PRKAR2B: variants seen among roughly 807,000 people sequenced by gnomAD.
PRKAR2B encodes the protein protein kinase cAMP-dependent type II regulatory subunit beta.
PRKAR2B carries 14 observed loss-of-function variants against 49.9 expected under a neutral mutation model. That is an observed-to-expected ratio of 0.28 (90% CI 0.19 to 0.44). The LOEUF is 0.44. Ranked by LOEUF, PRKAR2B falls within the 20% of genes least tolerant of loss-of-function variation. The pLI, the probability that PRKAR2B is intolerant of heterozygous loss-of-function variation, is 1.00. For missense variants in PRKAR2B, 393 were observed against 537.9 expected, an observed-to-expected ratio of 0.73 and a Z score of 2.67; for synonymous variants, 196 against 197.7, an observed-to-expected ratio of 0.99 and a Z score of 0.07.
intron 1 of PRKAR2B, among the ~76,000 whole-genome samples, chr7:107,060,067 T>A (rs565560742): frequency 6.6e-6 from 1 of 152,118 alleles, no homozygotes; most frequent in Non-Finnish European, 1.5e-5. Flanking sequence ...ATAGTTTTTT[T>A]AATCAAAATA....
At chr7:107,075,107 ATT>A (rs1368558750) in intron 2 of PRKAR2B, among the ~76,000 whole-genome samples, 1 of 144,454 alleles carries the variant, frequency 6.9e-6, no homozygotes. Flanking sequence ...TTATTTTTAA[ATT>A]TTTTTTTTTT....
intron 5 of PRKAR2B, among the ~76,000 whole-genome samples, chr7:107,143,042 T>TGTA (rs1795817563): frequency 6.6e-6 from 1 of 152,044 alleles, no homozygotes; most frequent in African/African-American, 2.4e-5. Flanking sequence ...GGTTTACAGG[T>TGTA]GTAAGTCAGT....
At chr7:107,126,408 G>A (rs1795493157) in intron 3 of PRKAR2B, among the ~76,000 whole-genome samples, 1 of 105,814 alleles carries the variant, frequency 9.5e-6, no homozygotes, top group African/African-American at 4.0e-5. Context: ...GCAACAGAGT[G>A]AGAATCTGTC....
intron 6 of PRKAR2B, 52 bp from the exon 7 acceptor site, chr7:107,150,870 T>C: frequency 1.1e-6 from 1 of 892,232 alleles, no homozygotes. Flanking sequence ...AATAAAACTA[T>C]TTGTATAGCT....
At chr7:107,054,206 T>C (rs1014796451) in intron 1 of PRKAR2B, among the ~76,000 whole-genome samples, 3 of 151,856 alleles carry the variant, frequency 2.0e-5, no homozygotes, top group Admixed American at 1.3e-4. Context: ...ACAAAAAAAT[T>C]AGCCTGGCGT....
chr7:107,121,648 C>T (rs1480554509), intron 2 of PRKAR2B, among the ~76,000 whole-genome samples: 1 of 151,810 alleles, frequency 6.6e-6, no homozygotes, highest in Non-Finnish European at 1.5e-5. Flanking sequence ...GTTTCTGTTC[C>T]TTTAGGTAAT....
At chr7:107,107,252 AC>A (rs371998276) in intron 2 of PRKAR2B, among the ~76,000 whole-genome samples, 3 of 151,966 alleles carry the variant, frequency 2.0e-5, no homozygotes, top group Non-Finnish European at 2.9e-5. Flanking sequence ...CAGGAGAATC[AC>A]TTGAACCTGG....
rs71134248 is a variant in PRKAR2B at position 107,065,322 on chromosome 7, A to ATGTGTGTG, written c.308-4911_308-4904dup. ...ATTTTTGTTTGCTCGGGGTGTGTGT[A>ATGTGTGTG]TGTGTGTGTGTGTGTGTGTGTGTGT... On this transcript the variant is annotated intron_variant, in intron 1 of 10. Coordinates refer to ENST00000265717, the MANE Select transcript of PRKAR2B (RefSeq NM_002736.3). Among the ~76,000 whole-genome samples the ATGTGTGTG allele has an allele frequency of 2.9e-3, 415 of 143,866 alleles. 2 individuals are homozygous for ATGTGTGTG. Among genetic ancestry groups the ATGTGTGTG allele is most frequent in the Middle Eastern group, 7.0e-3 (2 of 284 alleles). The allele number at this position is 143,866 out of a possible 152,430, so 94.4% of individuals were successfully genotyped here.
intron 7 of PRKAR2B, among the ~76,000 whole-genome samples, chr7:107,151,950 G>T (rs1051372447): frequency 6.6e-6 from 1 of 152,186 alleles, no homozygotes; most frequent in East Asian, 1.9e-4. Flanking sequence ...ATATCACTGG[G>T]CAAGGCCCCT....
chr7:107,129,385 C>G, intron 4 of PRKAR2B, among the ~76,000 whole-genome samples: 1 of 152,084 alleles, frequency 6.6e-6, no homozygotes, highest in East Asian at 1.9e-4. Context: ...TTGACCAGAC[C>G]CAGGATCCAT....
At chr7:107,066,242 A>G (rs1043522757) in intron 1 of PRKAR2B, among the ~76,000 whole-genome samples, 1 of 151,346 alleles carries the variant, frequency 6.6e-6, no homozygotes, top group Non-Finnish European at 1.5e-5. Context: ...TTCTCCAGGC[A>G]TACAATATGT....
chr7:107,105,476 C>G (rs943151988), intron 2 of PRKAR2B, among the ~76,000 whole-genome samples: 4 of 152,176 alleles, frequency 2.6e-5, no homozygotes, highest in Non-Finnish European at 5.9e-5. Flanking sequence ...GGCTGGTTGT[C>G]AATCCCAGTT....
chr7:107,060,840 C>T (rs1242045852), intron 1 of PRKAR2B, among the ~76,000 whole-genome samples: 1 of 151,970 alleles, frequency 6.6e-6, no homozygotes, highest in Non-Finnish European at 1.5e-5. Context: ...CATCACTAAC[C>T]CAAATTAAAA....
chr7:107,079,091 T>C (rs2299419), intron 2 of PRKAR2B, among the ~76,000 whole-genome samples: 21,984 of 152,106 alleles, frequency 0.14, 2,371 homozygotes, highest in African/African-American at 0.29. Context: ...TATAAGATAG[T>C]ATAAAATAGG....
intron 10 of PRKAR2B, among the ~76,000 whole-genome samples, chr7:107,158,478 C>T (rs1016870541): frequency 7.9e-5 from 12 of 152,234 alleles, no homozygotes; most frequent in African/African-American, 2.2e-4. Flanking sequence ...AGTTCATTAT[C>T]GCTTAGGAAT....
At chr7:107,130,282 G>A (rs1376272049) in intron 4 of PRKAR2B, among the ~76,000 whole-genome samples, 1 of 151,602 alleles carries the variant, frequency 6.6e-6, no homozygotes, top group African/African-American at 2.4e-5. Context: ...GGTGGATCAC[G>A]AGGTTAGGAG....
intron 5 of PRKAR2B, among the ~76,000 whole-genome samples, chr7:107,143,248 A>G (rs944585744): frequency 1.3e-5 from 2 of 152,226 alleles, no homozygotes; most frequent in East Asian, 3.8e-4. Context: ...CAGCATTGCT[A>G]GTCTGAAAAT....
chr7:107,090,041 C>T (rs937354026), intron 2 of PRKAR2B, among the ~76,000 whole-genome samples: 1 of 152,198 alleles, frequency 6.6e-6, no homozygotes, highest in Non-Finnish European at 1.5e-5. Flanking sequence ...TTTTTAAACA[C>T]GTATTCTTAA....
intron 2 of PRKAR2B, among the ~76,000 whole-genome samples, chr7:107,118,567 G>C (rs186072763): frequency 4.1e-4 from 62 of 152,310 alleles, no homozygotes; most frequent in Middle Eastern, 3.4e-3. Context: ...TCTCAGCCTG[G>C]AGAGGCAAAC....
Sources: gnomAD v4.1 joint callset for allele counts (sites outside exome capture counted in the v4.1 genomes callset) on GRCh38, gnomAD v4.1.1 for gene constraint, MANE v1.5 for transcripts, NCBI Gene and HGNC (gene_info 2026-07-23, HGNC 2026-07-21) for gene names.